The following WDR33 variants were observed in gnomAD, a reference collection of about 807,000 sequenced individuals.
WDR33 encodes WD repeat domain 33.
Under a neutral mutation model 164.9 loss-of-function variants are expected in WDR33, and 47 were observed. The observed-to-expected ratio is 0.29, with a 90% CI of 0.23 to 0.36. The LOEUF (loss-of-function observed/expected upper bound fraction) is 0.36. WDR33 is among the 10% of genes least tolerant of loss of function. The probability of loss-of-function intolerance (pLI) is 1.00; values close to 1 mark genes in which losing one functional copy is unlikely to be tolerated. For synonymous variants in WDR33, 505 were observed against 589.0 expected (o/e 0.86, Z 2.06); for missense variants, 1,137 against 1,754.1 (o/e 0.65, Z 6.28).
Position 127,704,491 on chromosome 2 carries a change from TTCTC to T in WDR33, c.*1828_*1831del, listed in dbSNP as rs777105185. ...TAGCTTCATGAAATTTGATTACAGT[TTCTC>T]TCTCTTTAAGCTATACCAGTTGGGG... is the stretch of plus-strand genomic sequence containing the variant. On this transcript the variant is annotated 3_prime_UTR_variant, in exon 22 of 22. Transcript: ENST00000322313. 3 of 167,046 alleles carry T rather than the reference TTCTC, an allele frequency of 1.8e-5. No homozygotes were observed. The highest frequency in any genetic ancestry group is 1.3e-4 in the Admixed American group (2 of 15,282). The allele number at this position is 167,046 out of a possible 1,614,324, so 10.3% of individuals were successfully genotyped here. A position where few individuals can be genotyped will look rare whatever the true frequency, so the allele number is the denominator to read the frequency against.
intron 7 of WDR33, among the ~76,000 whole-genome samples, chr2:127,750,248 A>G (rs1023555759): frequency 6.6e-6 from 1 of 152,040 alleles, no homozygotes; most frequent in Non-Finnish European, 1.5e-5. Flanking sequence ...GGCTGGTCTC[A>G]AACTCCTGGG....
intron 7 of WDR33, among the ~76,000 whole-genome samples, chr2:127,754,305 T>C (rs1162964609): frequency 6.6e-6 from 1 of 152,140 alleles, no homozygotes; most frequent in African/African-American, 2.4e-5. Context: ...AATCCGACCA[T>C]CCGTCTGAAA....
intron 3 of WDR33, 52 bp downstream of exon 3, chr2:127,768,881 T>C: frequency 1.4e-6 from 2 of 1,413,232 alleles, no homozygotes; most frequent in Non-Finnish European, 2.0e-6. Flanking sequence ...AAGGCTAAAA[T>C]ATTCAAGCAA....
intron 7 of WDR33, among the ~76,000 whole-genome samples, chr2:127,740,882 T>A (rs1307092497): frequency 6.6e-6 from 1 of 152,246 alleles, no homozygotes; most frequent in Non-Finnish European, 1.5e-5. Flanking sequence ...CTGACATATG[T>A]TGGCTACAAA....
At chr2:127,805,387 G>A (rs1208569183) in intron 1 of WDR33, among the ~76,000 whole-genome samples, 1 of 151,852 alleles carries the variant, frequency 6.6e-6, no homozygotes, top group Non-Finnish European at 1.5e-5. Flanking sequence ...TGGCCTCTAT[G>A]AAGTATTTTT....
In WDR33 at chr2:127,735,154, G is replaced by A. The variant is rs1420724317; in HGVS notation, c.725-8377C>T. Among the ~76,000 whole-genome samples, 2 of 152,150 alleles carry A rather than the reference G, an allele frequency of 1.3e-5. No individual in the cohort carries two copies. The highest frequency in any genetic ancestry group is 2.9e-5 in the Non-Finnish European group (2 of 68,004). ...GCAGTGAAGGCTAGAACCAGTAAGG[G>A]CAGAAGGTCTGCTTTTTGACTATTC... On this transcript the variant is annotated intron_variant, in intron 7 of 21. Transcript: ENST00000322313. The surrounding 1 kb of genome is among the most constrained non-coding windows in gnomAD (Gnocchi z 4.3).
chr2:127,804,084 G>A (rs1156833702), intron 1 of WDR33, among the ~76,000 whole-genome samples: 1 of 152,120 alleles, frequency 6.6e-6, no homozygotes, highest in East Asian at 1.9e-4. Flanking sequence ...CACTTTGGGA[G>A]GCCGAGGAGG....
chr2:127,725,763 A>G (rs1686558007), intron 8 of WDR33, among the ~76,000 whole-genome samples: 1 of 148,998 alleles, frequency 6.7e-6, no homozygotes, highest in Non-Finnish European at 1.5e-5. Context: ...TAATAATAAT[A>G]ATAATAATAA....
chr2:127,802,760 G>A (rs543176247), intron 1 of WDR33, among the ~76,000 whole-genome samples: 107 of 151,988 alleles, frequency 7.0e-4, no homozygotes, highest in African/African-American at 2.5e-3. Flanking sequence ...GGGAGGAACC[G>A]ATGACCCCAG....
intron 7 of WDR33, among the ~76,000 whole-genome samples, chr2:127,732,615 A>G (rs770464676): frequency 1.3e-5 from 2 of 152,178 alleles, no homozygotes; most frequent in Non-Finnish European, 2.9e-5. Context: ...TCAAAACTCA[A>G]GTGAATGGCT....
intron 1 of WDR33, among the ~76,000 whole-genome samples, chr2:127,807,876 G>T (rs1049600949): frequency 6.6e-6 from 1 of 152,168 alleles, no homozygotes; most frequent in Non-Finnish European, 1.5e-5. Context: ...GAAGTGGGAG[G>T]ATCGCTTGAG....
Position 127,741,549 on chromosome 2 carries a change from A to ATCC in WDR33, c.725-14775_725-14773dup, listed in dbSNP as rs1687015657. Reference sequence around the variant, plus strand: ...ACACGAATCCACAGTGAGATCTTCCATCCAGGAGAGGACCCTTGTAGGTAA... The same window carrying ATCC: ...ACACGAATCCACAGTGAGATCTTCCATCCTCCAGGAGAGGACCCTTGTAGGTAA... On this transcript the variant is annotated intron_variant, in intron 7 of 21. Coordinates refer to ENST00000322313, the MANE Select transcript of WDR33 (RefSeq NM_018383.5). The surrounding 1 kb of genome is among the most constrained non-coding windows in gnomAD (Gnocchi z 4.1). Among the ~76,000 whole-genome samples, 1 of 152,226 alleles carries ATCC rather than the reference A, an allele frequency of 6.6e-6. No homozygotes were observed. Among genetic ancestry groups the ATCC allele is most frequent in the Admixed American group, 6.5e-5 (1 of 15,284 alleles).
chr2:127,786,985 C>T (rs1688602149), intron 1 of WDR33, among the ~76,000 whole-genome samples: 1 of 120,020 alleles, frequency 8.3e-6, no homozygotes, highest in Non-Finnish European at 1.7e-5. Flanking sequence ...TCTGGTTTTC[C>T]TAGGCAGAGG....
At chr2:127,809,637 T>C (rs1379527903) in intron 1 of WDR33, among the ~76,000 whole-genome samples, 1 of 152,014 alleles carries the variant, frequency 6.6e-6, no homozygotes, top group Non-Finnish European at 1.5e-5. Flanking sequence ...GGTTCCGCCA[T>C]GTTGGTCAGG....
rs1685892723 is a variant in WDR33, at chr2:127,701,813, G to A, written c.*4510C>T. On this transcript the variant is annotated 3_prime_UTR_variant, in exon 22 of 22. Coordinates refer to ENST00000322313, the MANE Select transcript of WDR33 (RefSeq NM_018383.5). The stretch of plus-strand genomic sequence containing the variant: ...CTGCACTGTGTTTCGGCCTAGCCGC[G>A]CTCTACGCACCGGTGTTGCTGCTGC... 2.1e-6 allele frequency: 3 copies of A among 1,456,980 alleles called. No individual in the cohort carries two copies. The highest frequency in any genetic ancestry group is 2.7e-6 in the Non-Finnish European group (3 of 1,108,738). 90.3% of individuals were successfully genotyped at this position (1,456,980 alleles called of 1,614,324 possible). A position where few individuals can be genotyped will look rare whatever the true frequency, so the allele number is the denominator to read the frequency against.
intron 7 of WDR33, among the ~76,000 whole-genome samples, chr2:127,750,750 A>G (rs1184916423): frequency 5.2e-5 from 7 of 133,774 alleles, no homozygotes; most frequent in African/African-American, 2.0e-4. Context: ...GCATACATAT[A>G]TATGTATACA....
intron 2 of WDR33, among the ~76,000 whole-genome samples, chr2:127,769,921 T>C (rs773533152): frequency 1.1e-4 from 16 of 152,188 alleles, no homozygotes; most frequent in Non-Finnish European, 2.2e-4. Context: ...AAACTGCAGG[T>C]AGACCCCTGC....
At chr2:127,728,051 G>GT in intron 7 of WDR33, among the ~76,000 whole-genome samples, 1 of 152,320 alleles carries the variant, frequency 6.6e-6, no homozygotes, top group Non-Finnish European at 1.5e-5. Flanking sequence ...CAGTTTGGCT[G>GT]TATGTATCAA....
intron 1 of WDR33, among the ~76,000 whole-genome samples, chr2:127,809,017 C>A (rs1689538219): frequency 8.0e-6 from 1 of 124,328 alleles, no homozygotes; most frequent in African/African-American, 3.2e-5. Context: ...GGCGACAGAG[C>A]GAAACTCTTG....
Sources: allele counts gnomAD v4.1 joint callset (sites outside exome capture counted in the v4.1 genomes callset), GRCh38; gene constraint gnomAD v4.1.1; non-coding constraint Gnocchi (gnomAD v3.1); transcripts MANE v1.5; gene names NCBI Gene and HGNC (gene_info 2026-07-23, HGNC 2026-07-21).